Variants in ENOX2 observed in about 807,000 individuals in gnomAD.
The protein encoded by ENOX2 is APK1 antigen.
Under a neutral mutation model 45.0 loss-of-function variants are expected in ENOX2, and 36 were observed. That is an observed-to-expected ratio of 0.80 (90% CI 0.61 to 1.06). ENOX2 has a LOEUF of 1.06. Among genes scored for constraint, ENOX2 ranks in the 50% least tolerant of loss-of-function variants. ENOX2 has a pLI of 0.00. For synonymous variants in ENOX2, 174 were observed against 152.3 expected (o/e 1.14, Z -1.05); for missense variants, 423 against 462.5 (o/e 0.91, Z 0.78).
chrX:130,876,667 G>C (rs901483510), intron 2 of ENOX2, among the ~76,000 whole-genome samples: 4 of 111,491 alleles, frequency 3.6e-5, no homozygotes, highest in African/African-American at 1.3e-4. Context: ...CGGAGCACAT[G>C]ATGATTGTTT....
chrX:130,756,924 C>T (rs1301454355), intron 3 of ENOX2, among the ~76,000 whole-genome samples: 2 of 112,319 alleles, frequency 1.8e-5, no homozygotes, highest in Non-Finnish European at 3.8e-5. Flanking sequence ...AAACTGGAAG[C>T]ACAAAGCATA....
chrX:130,885,438 A>G (rs1281480141), intron 2 of ENOX2, among the ~76,000 whole-genome samples: 2 of 112,238 alleles, frequency 1.8e-5, no homozygotes, highest in Non-Finnish European at 3.8e-5. Context: ...ATGAACTAAG[A>G]AAGTATATAT....
rs771203172 is a variant in ENOX2 at position 130,806,024 on chromosome X, G to A, written c.-182-22334C>T. Among the ~76,000 whole-genome samples the A allele has an allele frequency of 6.2e-5, 7 of 112,262 alleles. No individual in the cohort carries two copies. The East Asian group carries it at 2.0e-3, about 31-fold the overall frequency. On this transcript the variant is annotated intron_variant, in intron 2 of 14. Coordinates refer to ENST00000394363, the MANE Select transcript of ENOX2 (RefSeq NM_006375.4). ...AGTTCACATAGAAATACTTGGATCT[G>A]TTTGCAGGAGATTGCTTCTACCAGA...
rs191005009 is a variant in ENOX2 at position 130,817,394 on chromosome X, G to C, written c.-182-33704C>G. On this transcript the variant is annotated intron_variant, in intron 2 of 14. Coordinates refer to ENST00000394363, the MANE Select transcript of ENOX2 (RefSeq NM_006375.4). ...AACTATTCCAAACAACAGAAAGAAA[G>C]GGACTCCTCCCTAACTCATTTTATG... is the stretch of plus-strand genomic sequence containing the variant. Among the ~76,000 whole-genome samples the C allele has an allele frequency of 5.9e-4, 66 of 112,043 alleles. 1 individual carries two copies. Among genetic ancestry groups the C allele is most frequent in the Middle Eastern group, 4.6e-3 (1 of 218 alleles).
At chrX:130,785,484 C>A (rs2076956099) in intron 2 of ENOX2, among the ~76,000 whole-genome samples, 1 of 111,697 alleles carries the variant, frequency 9.0e-6, no homozygotes, top group African/African-American at 3.3e-5. Context: ...GTCAAACATT[C>A]TTCCTTACAT....
intron 3 of ENOX2, among the ~76,000 whole-genome samples, chrX:130,746,017 G>C (rs772517366): frequency 8.9e-6 from 1 of 112,103 alleles, no homozygotes; most frequent in South Asian, 3.8e-4. Flanking sequence ...CCCTTGGTCG[G>C]AATCTATCAT....
chrX:130,653,553 T>C (rs368175835), intron 10 of ENOX2, among the ~76,000 whole-genome samples: 2 of 111,500 alleles, frequency 1.8e-5, no homozygotes, highest in African/African-American at 6.5e-5. Flanking sequence ...CTTCCTATCA[T>C]CTAAATCTGT....
chrX:130,784,745 G>A (rs1048291082), intron 2 of ENOX2, among the ~76,000 whole-genome samples: 35 of 108,611 alleles, frequency 3.2e-4, no homozygotes, highest in African/African-American at 1.1e-3. Context: ...GCACCACCAT[G>A]CCTGGCTAAT....
chrX:130,893,324 G>T (rs1237949964), intron 2 of ENOX2, among the ~76,000 whole-genome samples: 1 of 111,876 alleles, frequency 8.9e-6, no homozygotes, highest in Non-Finnish European at 1.9e-5. Context: ...AACAATGGTG[G>T]AAGGGTGGGG....
At chrX:130,692,910 T>G (rs2037652276) in intron 4 of ENOX2, among the ~76,000 whole-genome samples, 1 of 111,303 alleles carries the variant, frequency 9.0e-6, no homozygotes, top group Non-Finnish European at 1.9e-5. Flanking sequence ...TTCTGATTCA[T>G]GTACTTCCCA....
At chrX:130,832,839 C>A (rs1351375505) in intron 2 of ENOX2, among the ~76,000 whole-genome samples, 1 of 111,074 alleles carries the variant, frequency 9.0e-6, no homozygotes, top group Non-Finnish European at 1.9e-5. Flanking sequence ...TGCCTTCACA[C>A]ACCACCCCCT....
intron 2 of ENOX2, among the ~76,000 whole-genome samples, chrX:130,884,802 A>C (rs1320842023): frequency 9.0e-6 from 1 of 111,637 alleles, no homozygotes; most frequent in Admixed American, 9.5e-5. Flanking sequence ...AACCTGAATT[A>C]GCTGTATATT....
At chrX:130,768,787 C>T (rs1215152112) in intron 3 of ENOX2, among the ~76,000 whole-genome samples, 1 of 111,781 alleles carries the variant, frequency 8.9e-6, no homozygotes, top group Non-Finnish European at 1.9e-5. Flanking sequence ...TTTCAAAGAA[C>T]AATTGTGAGA....
At chrX:130,788,698 T>A (rs2077001907) in intron 2 of ENOX2, among the ~76,000 whole-genome samples, 1 of 112,301 alleles carries the variant, frequency 8.9e-6, no homozygotes, top group South Asian at 3.7e-4. Context: ...GTCTTACGCA[T>A]TCCTCACAGT....
chrX:130,688,313 A>G (rs1369048565), intron 5 of ENOX2, among the ~76,000 whole-genome samples: 3 of 112,418 alleles, frequency 2.7e-5, no homozygotes, highest in Non-Finnish European at 5.6e-5. Context: ...TTACTTCCAC[A>G]TGAACTGCAT....
intron 13 of ENOX2, among the ~76,000 whole-genome samples, chrX:130,630,024 C>T (rs1023401899): frequency 1.2e-3 from 134 of 111,651 alleles, no homozygotes; most frequent in African/African-American, 3.6e-3. Context: ...CCTTTCGGGT[C>T]GGTAATATCA....
intron 2 of ENOX2, among the ~76,000 whole-genome samples, chrX:130,862,746 G>A (rs2148538952): frequency 9.0e-6 from 1 of 111,648 alleles, no homozygotes; most frequent in African/African-American, 3.2e-5. Context: ...AAATGAATGA[G>A]TATGAAACAG....
chrX:130,819,321 T>A (rs890312169), intron 2 of ENOX2, among the ~76,000 whole-genome samples: 4 of 111,583 alleles, frequency 3.6e-5, no homozygotes, highest in African/African-American at 1.3e-4. Context: ...GTGTGGCAAT[T>A]CCTCGAGGAC....
At chrX:130,743,262 CCAA>C (rs1251837644) in intron 3 of ENOX2, among the ~76,000 whole-genome samples, 1 of 111,626 alleles carries the variant, frequency 9.0e-6, no homozygotes, top group African/African-American at 3.3e-5. Context: ...TTAACATGAG[CCAA>C]CAACATGAAA....
Sources: allele counts gnomAD v4.1 joint callset (sites outside exome capture counted in the v4.1 genomes callset), GRCh38; gene constraint gnomAD v4.1.1; transcripts MANE v1.5; gene names NCBI Gene and HGNC (gene_info 2026-07-23, HGNC 2026-07-21).